MTOR: variants seen among roughly 807,000 people sequenced by gnomAD.
The protein encoded by MTOR is serine/threonine-protein kinase mTOR.
MTOR carries 70 observed loss-of-function variants against 319.8 expected under a neutral mutation model. The ratio of observed to expected loss-of-function variants is 0.22; its 90% confidence interval spans 0.18 to 0.27. MTOR has a LOEUF of 0.27. MTOR is among the 10% of genes least tolerant of loss of function. The pLI is 1.00. For synonymous variants in MTOR, 1,183 were observed against 1,211.4 expected (o/e 0.98, Z 0.49); for missense variants, 1,890 against 3,274.4 (o/e 0.58, Z 10.32).
chr1:11,236,343 C>G lies in MTOR; in HGVS notation c.2208+1500G>C, dbSNP rs924223559. ...GTAGAGACGTGGTTTGTCATGTTCCCCAGGCTGGTCTTGTCAAACTCTTGG... is the reference window on the plus strand; with the variant it reads ...GTAGAGACGTGGTTTGTCATGTTCCGCAGGCTGGTCTTGTCAAACTCTTGG... On this transcript the variant is annotated intron_variant, in intron 13 of 57. Coordinates refer to ENST00000361445, the MANE Select transcript of MTOR (RefSeq NM_004958.4). Among the ~76,000 whole-genome samples, 3 of 151,920 alleles carry G rather than the reference C, an allele frequency of 2.0e-5. No individual in the cohort carries two copies. The South Asian group carries it at 6.3e-4, about 32-fold the overall frequency.
At chr1:11,227,750 A>G (rs1301354885) in intron 19 of MTOR, among the ~76,000 whole-genome samples, 2 of 152,230 alleles carry the variant, frequency 1.3e-5, no homozygotes, top group Admixed American at 6.5e-5. Context: ...GCAAAATTAG[A>G]AAGTCATCAC....
intron 52 of MTOR, 80 bp downstream of exon 52, chr1:11,114,733 G>T: frequency 7.3e-7 from 1 of 1,374,058 alleles, no homozygotes; most frequent in Non-Finnish European, 1.0e-6. Context: ...AGAACTGATG[G>T]GCTCTAACAA....
intron 32 of MTOR, 40 bp downstream of exon 32, chr1:11,146,636 T>G (rs1397532935): frequency 3.9e-6 from 6 of 1,532,096 alleles, no homozygotes; most frequent in Non-Finnish European, 3.6e-6. Flanking sequence ...CACTACAATC[T>G]TTTCCTCACT....
Position 11,234,423 on chromosome 1 carries a change from G to A in MTOR, c.2209-158C>T, listed in dbSNP as rs572272843. 5.3e-5 allele frequency among the ~76,000 whole-genome samples: 8 copies of A among 152,336 alleles called. No homozygotes were observed. In the East Asian group the frequency reaches 1.4e-3, roughly 26 times the overall value. ...TACTCAATGAGCAACAGACTTTTCT[G>A]CAACAGGCAGAACAGCCTTAGATAC... is the stretch of plus-strand genomic sequence containing the variant. On this transcript the variant is annotated intron_variant, in intron 13 of 57. Transcript: ENST00000361445.
Position 11,199,766 on chromosome 1 carries a change from C to T in MTOR, c.3945-63G>A. ...GTGCCTCTGCCTGCTGCCTCAAAGT[C>T]ACACCTATCAATTCGCTTTTGGCAT... is the stretch of plus-strand genomic sequence containing the variant. On this transcript the variant is annotated intron_variant, in intron 26 of 57. Transcript: ENST00000361445. The surrounding 1 kb of genome is among the most constrained non-coding windows in gnomAD (Gnocchi z 4.5). The T allele has an allele frequency of 6.4e-7, 1 of 1,568,056 alleles. No individual in the cohort carries two copies. Among genetic ancestry groups the T allele is most frequent in the Non-Finnish European group, 8.7e-7 (1 of 1,146,872 alleles).
intron 51 of MTOR, 60 bp from the exon 52 acceptor site, chr1:11,114,947 G>A: frequency 6.8e-7 from 1 of 1,463,748 alleles, no homozygotes. Context: ...CTGGAGCCAG[G>A]TGGAGCAGGT....
At chr1:11,211,460 T>C (rs1646308566) in intron 23 of MTOR, among the ~76,000 whole-genome samples, 1 of 152,184 alleles carries the variant, frequency 6.6e-6, no homozygotes, top group Non-Finnish European at 1.5e-5. Flanking sequence ...CTGGAACTCC[T>C]GGGCTCAAGC....
In MTOR at chr1:11,157,259, G is replaced by A. The variant is rs777132315; in HGVS notation, c.4362C>T (p.His1454=). 8 of 1,614,052 alleles carry A rather than the reference G, an allele frequency of 5.0e-6. No individual in the cohort carries two copies. The highest frequency in any genetic ancestry group is 1.3e-5 in the African/African-American group (1 of 75,036). Reference sequence around the variant, plus strand: ...AGGCCACAAGGGCATCCTCCCACTCGTGCAGTTTCTCATACCAGGTAGCCT... The same window carrying A: ...AGGCCACAAGGGCATCCTCCCACTCATGCAGTTTCTCATACCAGGTAGCCT... ...EIQATWYEKL[H]EWEDALVAYD... Residue 1454 remains histidine, a synonymous_variant, in exon 30 of 58, where the codon CAC becomes CAT. Coordinates refer to ENST00000361445, the MANE Select transcript of MTOR (RefSeq NM_004958.4).
intron 25 of MTOR, among the ~76,000 whole-genome samples, chr1:11,206,560 C>T (rs1211055477): frequency 6.6e-6 from 1 of 152,158 alleles, no homozygotes; most frequent in African/African-American, 2.4e-5. Context: ...GCTTGACACA[C>T]GGAAAGCACT....
intron 13 of MTOR, 62 bp from the exon 14 acceptor site, chr1:11,234,327 T>G (rs1647123150): frequency 6.6e-7 from 1 of 1,526,322 alleles, no homozygotes; most frequent in Non-Finnish European, 8.8e-7. Context: ...AGAGACTGTG[T>G]CCAACAGAAA....
Position 11,160,353 on chromosome 1 carries a change from G to T in MTOR, c.4330-3062C>A, listed in dbSNP as rs140239567. ...GATCTCAGGTGATCTGCCCATCTCG[G>T]CCTCCCAAAGTGCTGGGATTGTAGG... On this transcript the variant is annotated intron_variant, in intron 29 of 57. Transcript: ENST00000361445. 8.9e-3 allele frequency among the ~76,000 whole-genome samples: 1,353 copies of T among 152,184 alleles called. 26 individuals are homozygous for T. Among genetic ancestry groups the T allele is most frequent in the African/African-American group, 0.03 (1,262 of 41,500 alleles).
rs769709857 is a variant in MTOR, at chr1:11,209,414, C to T, written c.3699G>A (p.Gln1233=). 2.5e-6 allele frequency: 4 copies of T among 1,614,050 alleles called. No homozygotes were observed. In the African/African-American group the frequency reaches 5.3e-5, roughly 22 times the overall value. Residue 1233 remains glutamine, a synonymous_variant, in exon 25 of 58, where the codon CAG becomes CAA. Coordinates refer to ENST00000361445, the MANE Select transcript of MTOR (RefSeq NM_004958.4). ...CTTGGCCACTCCTAAGCATCCGATG[C>T]TGGTAAATCAAAGGATCCTCCTCTT... is the stretch of plus-strand genomic sequence containing the variant. ...ADEEEDPLIY[Q]HRMLRSGQGD...
At chr1:11,228,130 G>A (rs551774748) in intron 19 of MTOR, among the ~76,000 whole-genome samples, 1 of 151,962 alleles carries the variant, frequency 6.6e-6, no homozygotes, top group Admixed American at 6.6e-5. Flanking sequence ...ATCTACAACC[G>A]GACTGAACTC....
intron 29 of MTOR, among the ~76,000 whole-genome samples, chr1:11,165,346 C>T (rs985207797): frequency 3.9e-5 from 6 of 152,164 alleles, no homozygotes; most frequent in African/African-American, 7.2e-5. Context: ...TAGAAAACCC[C>T]GTCATCTCAG....
chr1:11,126,850 C>T (rs879095504), intron 45 of MTOR, 54 bp from the exon 46 acceptor site: 112 of 1,591,024 alleles, frequency 7.0e-5, no homozygotes, highest in Admixed American at 8.8e-5. Flanking sequence ...AGAATTTAAA[C>T]GCAATTTAAG....
At chr1:11,114,654 T>C (rs892338834) in intron 52 of MTOR, 159 bp downstream of exon 52, 35 of 1,003,192 alleles carry the variant, frequency 3.5e-5, no homozygotes, top group Non-Finnish European at 2.2e-5. Context: ...AAGCCTTTCA[T>C]AGATAGGTCA....
At chr1:11,259,453 G>A in intron 1 of MTOR, 30 bp from the exon 2 acceptor site, 1 of 1,503,714 alleles carries the variant, frequency 6.7e-7, no homozygotes, top group East Asian at 2.4e-5. Flanking sequence ...TTAATATTCT[G>A]GATAAGAAAG....
intron 53 of MTOR, among the ~76,000 whole-genome samples, chr1:11,113,427 AGTTACTCTG>A (rs1641996010): frequency 6.6e-6 from 1 of 152,150 alleles, no homozygotes; most frequent in African/African-American, 2.4e-5. Flanking sequence ...CAGGTGTCAG[AGTTACTCTG>A]TGCAAATGTA....
intron 28 of MTOR, among the ~76,000 whole-genome samples, chr1:11,172,881 T>G (rs1644866738): frequency 6.7e-6 from 1 of 148,664 alleles, no homozygotes; most frequent in African/African-American, 2.5e-5. Flanking sequence ...AAAAAAAAAT[T>G]ACAACTTTGA....
Sources: allele counts gnomAD v4.1 joint callset (sites outside exome capture counted in the v4.1 genomes callset), GRCh38; gene constraint gnomAD v4.1.1; non-coding constraint Gnocchi (gnomAD v3.1); transcripts MANE v1.5; gene names NCBI Gene and HGNC (gene_info 2026-07-23, HGNC 2026-07-21).